The following TRIM29 variants were observed in gnomAD, a reference collection of about 807,000 sequenced individuals.
TRIM29 encodes the protein tripartite motif-containing protein 29.
In TRIM29, 52 loss-of-function variants were observed where a neutral mutation model predicts 57.3. The ratio of observed to expected loss-of-function variants is 0.91; its 90% CI spans 0.73 to 1.14. The LOEUF is 1.14. Ranked by LOEUF, TRIM29 falls within the 50% of genes most tolerant of loss-of-function variation. The pLI, the probability that TRIM29 is intolerant of heterozygous loss-of-function variation, is 0.00. For synonymous variants in TRIM29, 319 were observed against 316.9 expected (o/e 1.01, Z -0.07); for missense variants, 753 against 774.6 (o/e 0.97, Z 0.33).
intron 3 of TRIM29, 69 bp from the exon 4 acceptor site, chr11:120,125,958 G>C (rs1212409353): frequency 9.3e-6 from 14 of 1,505,148 alleles, no homozygotes; most frequent in Non-Finnish European, 1.3e-5. Context: ...TCTCTGCCAG[G>C]GGCTCTCACA....
At chr11:120,121,258 C>T (rs1216466071) in intron 5 of TRIM29, 1 of 222,836 alleles carries the variant, frequency 4.5e-6, no homozygotes, top group African/African-American at 2.3e-5. Context: ...TGCCTGTGTT[C>T]CCTGATGCCC....
At chr11:120,112,961 C>A (rs1863171710) in intron 8 of TRIM29, among the ~76,000 whole-genome samples, 1 of 152,134 alleles carries the variant, frequency 6.6e-6, no homozygotes, top group African/African-American at 2.4e-5. Flanking sequence ...AGGCAACTTG[C>A]CCAAGGTCAC....
chr11:120,137,088 A>C lies in TRIM29; in HGVS notation c.804+140T>G. ...GGGGGGACAGGGGGCATGAGGGGAA[A>C]TAAATGTTTTCTAAAAGAGCCAAGG... On this transcript the variant is annotated intron_variant, in intron 1 of 8. Coordinates refer to ENST00000341846, the MANE Select transcript of TRIM29 (RefSeq NM_012101.4). This position sits in a 1 kb window ranked among gnomAD's most constrained non-coding sequence, Gnocchi z 6.2. 1 of 929,118 alleles carries C rather than the reference A, an allele frequency of 1.1e-6. No individual in the cohort carries two copies. Among genetic ancestry groups the C allele is most frequent in the Non-Finnish European group, 1.6e-6 (1 of 632,860 alleles). The allele number at this position is 929,118 out of a possible 1,614,324, so 57.6% of individuals were successfully genotyped here. A position where few individuals can be genotyped will look rare whatever the true frequency, so the allele number is the denominator to read the frequency against.
chr11:120,133,619 C>T (rs980445147), intron 1 of TRIM29, among the ~76,000 whole-genome samples: 1 of 152,214 alleles, frequency 6.6e-6, no homozygotes, highest in Non-Finnish European at 1.5e-5. Context: ...GGGCCCAGCC[C>T]CTCCAGGGCA....
intron 1 of TRIM29, among the ~76,000 whole-genome samples, chr11:120,129,904 G>A (rs966988355): frequency 6.6e-6 from 1 of 152,016 alleles, no homozygotes; most frequent in South Asian, 2.1e-4. Context: ...GCAAACGGCC[G>A]GAAATGCCAT....
At chr11:120,113,413 G>A in intron 8 of TRIM29, 1 of 306,278 alleles carries the variant, frequency 3.3e-6, no homozygotes, top group African/African-American at 2.2e-5. Flanking sequence ...ACCCACGCAA[G>A]CACCATCAGC....
chr11:120,135,333 T>G (rs1863796664), intron 1 of TRIM29, among the ~76,000 whole-genome samples: 1 of 152,162 alleles, frequency 6.6e-6, no homozygotes, highest in Non-Finnish European at 1.5e-5. Context: ...GTCTAAGAAT[T>G]CCAGGGCTCT....
rs145921438 is a variant in TRIM29 at position 120,114,397 on chromosome 11, G to C, written c.1704+941C>G. On this transcript the variant is annotated intron_variant, in intron 8 of 8. Transcript: ENST00000341846. ...TTAGCTCCCATCCCCAGCAATTAAA[G>C]ATCCTCTCCAATTAAACCAACCCCA... Among the ~76,000 whole-genome samples, 727 of 152,304 alleles carry C rather than the reference G, an allele frequency of 4.8e-3. 5 individuals carry two copies. The highest frequency in any genetic ancestry group is 0.017 in the African/African-American group (693 of 41,560).
At chr11:120,126,258 C>CT (rs35133292) in intron 3 of TRIM29, 11,436 of 152,748 alleles carry the variant, frequency 0.075, 482 homozygotes, top group East Asian at 0.17. Flanking sequence ...TTCTTTCTTT[C>CT]TTTTTTTTTT....
rs1863138995 is a variant in TRIM29, at chr11:120,111,672, A to G, written c.*742T>C. The G allele has an allele frequency of 6.6e-6, 1 of 152,254 alleles. No homozygotes were observed. Among genetic ancestry groups the G allele is most frequent in the Non-Finnish European group, 1.5e-5 (1 of 68,056 alleles). 9.4% of individuals were successfully genotyped at this position (152,254 alleles called of 1,614,324 possible). On this transcript the variant is annotated 3_prime_UTR_variant, in exon 9 of 9. Coordinates refer to ENST00000341846, the MANE Select transcript of TRIM29 (RefSeq NM_012101.4). The stretch of plus-strand genomic sequence containing the variant: ...GCTATTTGCATGGGTGGATTATATC[A>G]TGTTAAGGGAATTCTTTATCTCAGC...
chr11:120,129,899 C>T (rs557730072), intron 1 of TRIM29, among the ~76,000 whole-genome samples: 5 of 152,114 alleles, frequency 3.3e-5, no homozygotes, highest in Non-Finnish European at 4.4e-5. Flanking sequence ...CACCAGCAAA[C>T]GGCCGGAAAT....
intron 4 of TRIM29, 72 bp downstream of exon 4, chr11:120,125,619 G>A: frequency 6.4e-7 from 1 of 1,555,922 alleles, no homozygotes; most frequent in Non-Finnish European, 8.8e-7. Context: ...GCCAGCCCAT[G>A]TCAGGCAGCA....
intron 1 of TRIM29, chr11:120,128,809 C>T: frequency 3.3e-6 from 5 of 1,528,872 alleles, no homozygotes; most frequent in South Asian, 2.4e-5. Flanking sequence ...AGGAGGGAAA[C>T]TCATTTACAG....
intron 4 of TRIM29, chr11:120,123,506 G>C (rs576248650): frequency 2.2e-6 from 1 of 454,814 alleles, no homozygotes; most frequent in African/African-American, 2.0e-5. Flanking sequence ...CGCTACTTCC[G>C]GGTTCAGTCC....
rs138954397 is a variant in TRIM29, at chr11:120,137,714, G to A, written c.318C>T (p.Tyr106=). The A allele has an allele frequency of 5.6e-6, 9 of 1,612,798 alleles. No homozygotes were observed. In the African/African-American group the frequency reaches 6.7e-5, roughly 12 times the overall value. The part of the protein sequence containing the change: ...MDSMEGKRSP[Y]AGLQLGAAKK... ...TGGCAGCCCCCAGCTGGAGCCCTGC[G>A]TACGGCGACCTCTTGCCTTCCATAG... Residue 106 remains tyrosine (Y), a synonymous_variant, in exon 1 of 9, where the codon TAC becomes TAT. Transcript: ENST00000341846. This position sits in a 1 kb window ranked among gnomAD's most constrained non-coding sequence, Gnocchi z 6.2.
At chr11:120,125,385 C>CTCGG in intron 4 of TRIM29, 10 of 395,496 alleles carry the variant, frequency 2.5e-5, no homozygotes, top group Admixed American at 7.6e-5. Flanking sequence ...AGATGTAGAT[C>CTCGG]TGAACGAAAC....
chr11:120,133,652 C>T (rs760056641), intron 1 of TRIM29, among the ~76,000 whole-genome samples: 7 of 152,378 alleles, frequency 4.6e-5, no homozygotes, highest in Middle Eastern at 6.8e-3. Flanking sequence ...GCCTGGCTCC[C>T]CTTCCCGAAT....
chr11:120,137,378 C>T lies in TRIM29; in HGVS notation c.654G>A (p.Arg218=). The change falls in exon 1 of 9, where the codon CGG becomes CGA. Residue 218 remains arginine (R), a synonymous_variant. Coordinates refer to ENST00000341846, the MANE Select transcript of TRIM29 (RefSeq NM_012101.4). The surrounding 1 kb of genome is among the most constrained non-coding windows in gnomAD (Gnocchi z 6.2). ...FRDHQLLEPI[R]DFEARKCPVH... is the part of the protein sequence containing the mutation. ...CGGGACACTTGCGGGCCTCAAAGTCCCGGATGGGCTCGAGCAGCTGGTGGT... is the reference window on the plus strand; with the variant it reads ...CGGGACACTTGCGGGCCTCAAAGTCTCGGATGGGCTCGAGCAGCTGGTGGT... The T allele has an allele frequency of 6.2e-7, 1 of 1,613,474 alleles. No individual in the cohort carries two copies. Among genetic ancestry groups the T allele is most frequent in the Non-Finnish European group, 8.5e-7 (1 of 1,180,012 alleles).
At position 120,137,802 on chromosome 11, in the gene TRIM29, C is replaced by G. The variant is rs767499147; in HGVS notation, c.230G>C (p.Arg77Pro). The change falls in exon 1 of 9, where the codon CGA becomes CCA. Residue 77 changes from arginine to proline, a missense_variant. Transcript: ENST00000341846. This position sits in a 1 kb window ranked among gnomAD's most constrained non-coding sequence, Gnocchi z 6.2. ...GGACTCGACAAACTGGATGATGGGTCGCCGCCACTCATTGCCCGCGAACAG... is the reference window on the plus strand; with the variant it reads ...GGACTCGACAAACTGGATGATGGGTGGCCGCCACTCATTGCCCGCGAACAG... ...SALFAGNEWRRPIIQFVESGD... is the reference protein window; with the variant it reads ...SALFAGNEWRPPIIQFVESGD... 5 of 1,612,220 alleles carry G rather than the reference C, an allele frequency of 3.1e-6. No individual in the cohort carries two copies. In the Admixed American group the frequency reaches 8.3e-5, roughly 27 times the overall value.
Sources: allele counts gnomAD v4.1 joint callset (sites outside exome capture counted in the v4.1 genomes callset), GRCh38; gene constraint gnomAD v4.1.1; non-coding constraint Gnocchi (gnomAD v3.1); transcripts MANE v1.5; gene names NCBI Gene and HGNC (gene_info 2026-07-23, HGNC 2026-07-21).